Variants in COPZ1 observed in about 807,000 individuals in gnomAD.
COPZ1 encodes the protein coatomer subunit zeta-1.
COPZ1 carries 4 observed loss-of-function variants against 31.7 expected under a neutral mutation model. That is an observed-to-expected ratio of 0.13 (90% CI 0.06 to 0.29). COPZ1 has a LOEUF of 0.29. Ranked by LOEUF, COPZ1 falls within the 10% of genes least tolerant of loss-of-function variation. The pLI is 1.00. For missense variants in COPZ1, 156 were observed against 211.5 expected, an observed-to-expected ratio of 0.74 and a Z score of 1.63; for synonymous variants, 74 against 79.0, an observed-to-expected ratio of 0.94 and a Z score of 0.33.
At chr12:54,348,159 CCTT>C in intron 7 of COPZ1, 108 bp downstream of exon 7, 2 of 903,940 alleles carry the variant, frequency 2.2e-6, no homozygotes, top group South Asian at 2.8e-5. Flanking sequence ...ATACATACAA[CCTT>C]CTCTTTTTCT....
rs545338831 is a variant in COPZ1, at chr12:54,326,947, A to G, written c.18+1766A>G. ...GTTTTAAATATTTTCTGTACCAAGC[A>G]GTTAACAAGTATTCTTTTTTTTTTT... On this transcript the variant is annotated intron_variant, in intron 1 of 8. Coordinates refer to ENST00000262061, the MANE Select transcript of COPZ1 (RefSeq NM_016057.3). Among the ~76,000 whole-genome samples, 15 of 132,184 alleles carry G rather than the reference A, an allele frequency of 1.1e-4. No individual in the cohort carries two copies. The East Asian group carries it at 3.2e-3, about 28-fold the overall frequency. The allele number at this position is 132,184 out of a possible 152,430, so 86.7% of individuals were successfully genotyped here. A position where few individuals can be genotyped will look rare whatever the true frequency, so the allele number is the denominator to read the frequency against.
Position 54,347,808 on chromosome 12 carries a change from G to A in COPZ1, c.359G>A (p.Gly120Glu). 1 of 1,612,268 alleles carries A rather than the reference G, an allele frequency of 6.2e-7. No individual in the cohort carries two copies. The highest frequency in any genetic ancestry group is 8.5e-7 in the Non-Finnish European group (1 of 1,179,558). The change falls in exon 6 of 9, where the codon GGG (glycine) becomes GAG (glutamate). Residue 120 changes from glycine (G) to glutamate (E), a missense_variant. Physicochemically the swap from Gly to Glu is moderately conservative, Grantham distance 98 (BLOSUM62 -2). Transcript: ENST00000262061. ...CGAGCACTGCTGGAGAACATGGAGG[G>A]GCTGTTCTTGGCTGTGGATGAAATT... Reference protein sequence around the residue: ...EKRALLENMEGLFLAVDEIVD... With the variant: ...EKRALLENMEELFLAVDEIVD...
chr12:54,335,763 C>A (rs1953851553), intron 1 of COPZ1, among the ~76,000 whole-genome samples: 1 of 151,924 alleles, frequency 6.6e-6, no homozygotes, highest in African/African-American at 2.4e-5. Context: ...CCTTGAACTC[C>A]CAAGCTCAAG....
At chr12:54,339,157 G>A (rs1031101037) in intron 1 of COPZ1, among the ~76,000 whole-genome samples, 7 of 151,666 alleles carry the variant, frequency 4.6e-5, no homozygotes, top group Non-Finnish European at 7.4e-5. Context: ...TAGGTCGGGC[G>A]CAGTGGCTCA....
At chr12:54,346,474 T>C in intron 5 of COPZ1, 3 of 522,292 alleles carry the variant, frequency 5.7e-6, no homozygotes. Flanking sequence ...GGTTTTACCA[T>C]GTTGGCCAGG....
At chr12:54,347,478 G>A (rs988935431) in intron 5 of COPZ1, among the ~76,000 whole-genome samples, 1 of 152,202 alleles carries the variant, frequency 6.6e-6, no homozygotes, top group Non-Finnish European at 1.5e-5. Context: ...GCAATGTTAT[G>A]AGCAGCATCA....
At chr12:54,331,330 A>G (rs984152948) in intron 1 of COPZ1, among the ~76,000 whole-genome samples, 9 of 151,388 alleles carry the variant, frequency 5.9e-5, no homozygotes, top group African/African-American at 1.9e-4. Context: ...ACAGGCCCCC[A>G]CCACCATGCC....
At chr12:54,342,670 T>A (rs1401403688) in intron 3 of COPZ1, 2 of 226,142 alleles carry the variant, frequency 8.8e-6, no homozygotes, top group East Asian at 2.5e-4. Context: ...GGGAAATAGG[T>A]ATAGTGGGCA....
At chr12:54,344,466 T>TA (rs1183509564) in intron 4 of COPZ1, 1 of 152,416 alleles carries the variant, frequency 6.6e-6, no homozygotes, top group Non-Finnish European at 1.5e-5. Flanking sequence ...TAGTCCCAGC[T>TA]ACTCGGGAGG....
At chr12:54,341,443 C>T (rs980538619) in intron 2 of COPZ1, among the ~76,000 whole-genome samples, 2 of 152,194 alleles carry the variant, frequency 1.3e-5, no homozygotes, top group African/African-American at 4.8e-5. Flanking sequence ...TCCGGGCGAG[C>T]GTAGCATAAA....
At chr12:54,325,231 G>T in intron 1 of COPZ1, 50 bp downstream of exon 1, 1 of 1,545,558 alleles carries the variant, frequency 6.5e-7, no homozygotes. Flanking sequence ...CAGGGGCCGG[G>T]AGTCAGGGTT....
intron 3 of COPZ1, 154 bp downstream of exon 3, chr12:54,342,441 G>A (rs1329880058): frequency 3.2e-6 from 2 of 633,866 alleles, no homozygotes; most frequent in South Asian, 3.8e-5. Context: ...GAATGTAATG[G>A]GGAGGTGAGT....
Position 54,331,050 on chromosome 12 carries a change from G to T in COPZ1, c.18+5869G>T, listed in dbSNP as rs537090660. 1.4e-4 allele frequency among the ~76,000 whole-genome samples: 22 copies of T among 152,122 alleles called. No homozygotes were observed. In the South Asian group the frequency reaches 4.6e-3, roughly 32 times the overall value. ...CTCCTGGCCTTACATTCCCTAGCCT[G>T]TGTCACCTCTTCTGGTGTTTGACCA... On this transcript the variant is annotated intron_variant, in intron 1 of 8. Transcript: ENST00000262061.
chr12:54,341,593 C>T (rs758839239), intron 2 of COPZ1, among the ~76,000 whole-genome samples: 16 of 152,216 alleles, frequency 1.1e-4, no homozygotes, highest in Non-Finnish European at 1.8e-4. Context: ...CTGACTGCGA[C>T]GGATTAGCCC....
chr12:54,346,988 T>C (rs1457953575), intron 5 of COPZ1, among the ~76,000 whole-genome samples: 1 of 152,194 alleles, frequency 6.6e-6, no homozygotes, highest in Non-Finnish European at 1.5e-5. Context: ...TTACTTTTCC[T>C]GAAAACATCC....
intron 5 of COPZ1, chr12:54,346,567 C>G: frequency 1.4e-6 from 1 of 698,958 alleles, no homozygotes; most frequent in East Asian, 2.7e-5. Flanking sequence ...GCCACTTAGA[C>G]CAGTTTTTTT....
chr12:54,349,733 C>T (rs562062796), intron 8 of COPZ1, 75 bp downstream of exon 8: 1 of 1,176,638 alleles, frequency 8.5e-7, no homozygotes, highest in Non-Finnish European at 1.3e-6. Flanking sequence ...ACCCATACCT[C>T]TCAAATCTGA....
chr12:54,340,762 G>A (rs1953960241), intron 2 of COPZ1, 147 bp downstream of exon 2: 23 of 875,386 alleles, frequency 2.6e-5, no homozygotes, highest in Middle Eastern at 2.9e-4. Flanking sequence ...ATGGAGTTTC[G>A]CTCTTATCAC....
intron 5 of COPZ1, among the ~76,000 whole-genome samples, chr12:54,347,397 G>A (rs905769642): frequency 2.6e-5 from 4 of 152,100 alleles, no homozygotes; most frequent in Non-Finnish European, 5.9e-5. Context: ...TCTCACCTCC[G>A]GCCACCTCCA....
Sources: allele counts gnomAD v4.1 joint callset (sites outside exome capture counted in the v4.1 genomes callset), GRCh38; gene constraint gnomAD v4.1.1; transcripts MANE v1.5; gene names NCBI Gene and HGNC (gene_info 2026-07-23, HGNC 2026-07-21).